NKAIN2: variants seen among roughly 807,000 people sequenced by gnomAD.
NKAIN2 encodes the protein sodium/potassium-transporting ATPase subunit beta-1-interacting protein 2.
NKAIN2 carries 14 observed loss-of-function variants against 32.6 expected under a neutral mutation model. That is an observed-to-expected ratio of 0.43 (90% confidence interval 0.28 to 0.67). The LOEUF (loss-of-function observed/expected upper bound fraction) is 0.67, where lower values mean the gene tolerates loss of function less well. NKAIN2 is among the 30% of genes least tolerant of loss of function. The pLI, the probability that NKAIN2 is intolerant of heterozygous loss-of-function variation, is 0.17. For synonymous variants in NKAIN2, 80 were observed against 87.2 expected, an observed-to-expected ratio of 0.92 and a Z score of 0.46; for missense variants, 198 against 258.3, an observed-to-expected ratio of 0.77 and a Z score of 1.60.
intron 3 of NKAIN2, among the ~76,000 whole-genome samples, chr6:124,498,467 C>T (rs189834584): frequency 3.9e-5 from 6 of 152,094 alleles, no homozygotes; most frequent in Non-Finnish European, 8.8e-5. Context: ...CATACAGAAA[C>T]GTTGTGAGGT....
chr6:124,366,210 G>C (rs987185979), intron 3 of NKAIN2, among the ~76,000 whole-genome samples: 11 of 151,996 alleles, frequency 7.2e-5, no homozygotes, highest in African/African-American at 2.7e-4. Flanking sequence ...TTATAAAATT[G>C]AGGGGATCCT....
intron 1 of NKAIN2, among the ~76,000 whole-genome samples, chr6:124,055,376 A>G (rs559593428): frequency 7.2e-4 from 110 of 152,226 alleles, no homozygotes; most frequent in Admixed American, 1.8e-3. Flanking sequence ...AAACAATAAT[A>G]CTTTTATCAT....
intron 2 of NKAIN2, among the ~76,000 whole-genome samples, chr6:124,350,986 C>T (rs1583102308): frequency 1.3e-5 from 2 of 151,950 alleles, no homozygotes; most frequent in African/African-American, 4.8e-5. Context: ...GAGACGCCTT[C>T]TCTAAAAAGT....
At chr6:123,992,837 T>G (rs1779469564) in intron 1 of NKAIN2, among the ~76,000 whole-genome samples, 2 of 152,312 alleles carry the variant, frequency 1.3e-5, no homozygotes, top group African/African-American at 2.4e-5. Flanking sequence ...TGTTTCTGCG[T>G]TGTTCCCTTG....
intron 1 of NKAIN2, among the ~76,000 whole-genome samples, chr6:124,062,936 T>A (rs1444079226): frequency 6.6e-6 from 1 of 152,160 alleles, no homozygotes; most frequent in Non-Finnish European, 1.5e-5. Flanking sequence ...GGCTCACGCC[T>A]GTAATCCCAG....
At chr6:124,650,608 A>G (rs922092854) in intron 3 of NKAIN2, among the ~76,000 whole-genome samples, 3 of 152,122 alleles carry the variant, frequency 2.0e-5, no homozygotes, top group Admixed American at 1.3e-4. Flanking sequence ...AAGAAGGCCA[A>G]ACTCACCCTT....
At position 124,502,928 on chromosome 6, in the gene NKAIN2, C is replaced by G. The variant is rs762454729; in HGVS notation, c.273+147581C>G. ...TTTACCTGTTCCAGAATTGTTCTGG[C>G]AATTCTTGTTTCTTGATTTTTCTAT... is the stretch of plus-strand genomic sequence containing the variant. On this transcript the variant is annotated intron_variant, in intron 3 of 6. Coordinates refer to ENST00000368417, the MANE Select transcript of NKAIN2 (RefSeq NM_001040214.3). Among the ~76,000 whole-genome samples the G allele has an allele frequency of 3.9e-5, 6 of 152,202 alleles. No individual in the cohort carries two copies. In the East Asian group the frequency reaches 1.2e-3, roughly 29 times the overall value.
intron 1 of NKAIN2, among the ~76,000 whole-genome samples, chr6:124,039,453 A>G (rs1372565998): frequency 6.6e-6 from 1 of 151,708 alleles, no homozygotes; most frequent in African/African-American, 2.4e-5. Context: ...GAATTTTGTA[A>G]TTCAGTTATT....
At chr6:124,506,147 C>G (rs1402179217) in intron 3 of NKAIN2, among the ~76,000 whole-genome samples, 1 of 151,354 alleles carries the variant, frequency 6.6e-6, no homozygotes, top group Non-Finnish European at 1.5e-5. Context: ...CGCCACTGCA[C>G]TCCAGCCTCG....
chr6:124,053,593 T>G (rs1198220838), intron 1 of NKAIN2, among the ~76,000 whole-genome samples: 1 of 152,020 alleles, frequency 6.6e-6, no homozygotes, highest in African/African-American at 2.4e-5. Flanking sequence ...TAAGCAGTGC[T>G]CTCTGCTTAA....
At position 124,742,607 on chromosome 6, in the gene NKAIN2, G is replaced by T. The variant is rs570512848; in HGVS notation, c.475-48732G>T. ...CAGTTCTCATAATAAATATATATTG[G>T]TTCTCTTTTTGGTTCTGTTTCTCTA... On this transcript the variant is annotated intron_variant, in intron 4 of 6. Transcript: ENST00000368417. Among the ~76,000 whole-genome samples, 60 of 151,752 alleles carry T rather than the reference G, an allele frequency of 4.0e-4. 1 individual carries two copies. The highest frequency in any genetic ancestry group is 1.0e-4 in the Non-Finnish European group (7 of 67,862).
intron 1 of NKAIN2, among the ~76,000 whole-genome samples, chr6:123,938,705 G>T (rs1776680475): frequency 6.7e-6 from 1 of 148,710 alleles, no homozygotes; most frequent in African/African-American, 2.5e-5. Flanking sequence ...AATCCTACTT[G>T]ATACTAAAAA....
intron 4 of NKAIN2, among the ~76,000 whole-genome samples, chr6:124,695,271 C>A (rs1446630174): frequency 6.6e-6 from 1 of 152,032 alleles, no homozygotes; most frequent in Non-Finnish European, 1.5e-5. Flanking sequence ...GCCTCTGCTT[C>A]TGAAAATACT....
chr6:124,385,660 T>A (rs1392955341), intron 3 of NKAIN2, among the ~76,000 whole-genome samples: 1 of 152,158 alleles, frequency 6.6e-6, no homozygotes, highest in Non-Finnish European at 1.5e-5. Flanking sequence ...AGCTCTGTGT[T>A]TGGACAATAA....
chr6:124,008,177 G>A (rs1780162411), intron 1 of NKAIN2, among the ~76,000 whole-genome samples: 1 of 152,150 alleles, frequency 6.6e-6, no homozygotes, highest in African/African-American at 2.4e-5. Flanking sequence ...CGATCGCGCT[G>A]CTTTGGTCAG....
intron 1 of NKAIN2, among the ~76,000 whole-genome samples, chr6:124,018,823 C>G (rs182989390): frequency 4.5e-4 from 69 of 152,276 alleles, no homozygotes; most frequent in African/African-American, 1.5e-3. Flanking sequence ...TTACCCAGTT[C>G]CAAAGTTGCT....
intron 1 of NKAIN2, among the ~76,000 whole-genome samples, chr6:124,052,866 C>T (rs1219814120): frequency 6.6e-6 from 1 of 151,900 alleles, no homozygotes. Flanking sequence ...TTTGGTTAAT[C>T]TCTACTCCAG....
chr6:123,824,170 G>C (rs532244425), intron 1 of NKAIN2, among the ~76,000 whole-genome samples: 1 of 152,182 alleles, frequency 6.6e-6, no homozygotes, highest in Non-Finnish European at 1.5e-5. Context: ...ACATAGTCAG[G>C]ATCCTGAAAG....
At chr6:124,811,800 A>G (rs756906035) in intron 5 of NKAIN2, among the ~76,000 whole-genome samples, 41 of 152,192 alleles carry the variant, frequency 2.7e-4, no homozygotes, top group Non-Finnish European at 4.4e-4. Flanking sequence ...AGGTATGCAC[A>G]TGTCCAAACT....
Sources: gnomAD v4.1 joint callset for allele counts (sites outside exome capture counted in the v4.1 genomes callset) on GRCh38, gnomAD v4.1.1 for gene constraint, MANE v1.5 for transcripts, NCBI Gene and HGNC (gene_info 2026-07-23, HGNC 2026-07-21) for gene names.